Variants in NKAIN3 observed in about 807,000 individuals in gnomAD.
NKAIN3 encodes the protein sodium/potassium transporting ATPase interacting 3.
Under a neutral mutation model 30.2 loss-of-function variants are expected in NKAIN3, and 25 were observed. That is an observed-to-expected ratio of 0.83 (90% CI 0.60 to 1.16). The LOEUF is 1.16. Ranked by LOEUF, NKAIN3 falls within the 50% of genes most tolerant of loss-of-function variation. NKAIN3 has a pLI of 0.00. For missense variants in NKAIN3, 225 were observed against 254.1 expected, an observed-to-expected ratio of 0.89 and a Z score of 0.78; for synonymous variants, 91 against 89.6, an observed-to-expected ratio of 1.02 and a Z score of -0.09.
chr8:62,863,766 G>A, intron 4 of NKAIN3: 2 of 1,610,412 alleles, frequency 1.2e-6, no homozygotes, highest in African/African-American at 1.3e-5. Context: ...TCCCAGCACA[G>A]CCAGACAGTA....
At chr8:62,684,697 T>A (rs1024968430) in intron 3 of NKAIN3, among the ~76,000 whole-genome samples, 2 of 152,208 alleles carry the variant, frequency 1.3e-5, no homozygotes, top group African/African-American at 4.8e-5. Flanking sequence ...GTTCAGAATT[T>A]GACTGTATTT....
At chr8:62,364,824 A>G (rs28576061) in intron 1 of NKAIN3, among the ~76,000 whole-genome samples, 1 of 136,480 alleles carries the variant, frequency 7.3e-6, no homozygotes, top group Non-Finnish European at 1.6e-5. Flanking sequence ...GCGAGACTCC[A>G]CTACAAAAAA....
At chr8:62,834,169 C>G (rs1249691476) in intron 4 of NKAIN3, among the ~76,000 whole-genome samples, 1 of 152,008 alleles carries the variant, frequency 6.6e-6, no homozygotes, top group Admixed American at 6.6e-5. Flanking sequence ...TTAGAAAGAA[C>G]ATACCTCAAA....
chr8:62,335,432 C>CAAAAAAAAAAA, intron 1 of NKAIN3, among the ~76,000 whole-genome samples: 1 of 82,186 alleles, frequency 1.2e-5, no homozygotes, highest in South Asian at 3.9e-4. Context: ...GACTCTGTCT[C>CAAAAAAAAAAA]AAAAAAAAAA....
intron 1 of NKAIN3, among the ~76,000 whole-genome samples, chr8:62,513,318 G>A (rs116499544): frequency 1.5e-4 from 23 of 150,992 alleles, no homozygotes; most frequent in East Asian, 1.2e-3. Context: ...AACTATCTCC[G>A]TCAGCAAAAT....
chr8:62,939,612 A>T (rs1463679455), intron 5 of NKAIN3, among the ~76,000 whole-genome samples: 1 of 152,174 alleles, frequency 6.6e-6, no homozygotes, highest in African/African-American at 2.4e-5. Context: ...GCCTCCTTAA[A>T]CAAAACGATT....
At chr8:62,476,389 G>A (rs4738979) in intron 1 of NKAIN3, among the ~76,000 whole-genome samples, 15,494 of 151,826 alleles carry the variant, frequency 0.1, 1,093 homozygotes, top group East Asian at 0.32. Context: ...TTGTAGACCC[G>A]TGCACATGTT....
intron 1 of NKAIN3, among the ~76,000 whole-genome samples, chr8:62,289,701 G>C (rs1813518085): frequency 6.6e-6 from 1 of 152,062 alleles, no homozygotes; most frequent in Admixed American, 6.6e-5. Context: ...TGTTCTTTTG[G>C]CTTAGGATTG....
chr8:62,470,874 C>T (rs907460149), intron 1 of NKAIN3, among the ~76,000 whole-genome samples: 12 of 151,800 alleles, frequency 7.9e-5, no homozygotes, highest in African/African-American at 2.7e-4. Context: ...ATGTGTAGAT[C>T]TTATTGATCC....
chr8:62,928,225 C>G (rs995042153), intron 5 of NKAIN3, among the ~76,000 whole-genome samples: 14 of 152,116 alleles, frequency 9.2e-5, no homozygotes, highest in Non-Finnish European at 1.5e-4. Context: ...GTATAAGACA[C>G]AAAGTAAGTT....
chr8:62,314,467 G>A (rs1322701063), intron 1 of NKAIN3, among the ~76,000 whole-genome samples: 3 of 152,150 alleles, frequency 2.0e-5, no homozygotes, highest in Non-Finnish European at 2.9e-5. Flanking sequence ...GATGAAACCG[G>A]ACTTACTTCC....
intron 1 of NKAIN3, among the ~76,000 whole-genome samples, chr8:62,389,131 G>A (rs945675456): frequency 1.3e-5 from 2 of 152,146 alleles, no homozygotes; most frequent in African/African-American, 4.8e-5. Context: ...AAGGCAGCCT[G>A]AATAGAACTT....
chr8:62,424,582 C>T (rs971651039), intron 1 of NKAIN3, among the ~76,000 whole-genome samples: 3 of 151,558 alleles, frequency 2.0e-5, no homozygotes, highest in African/African-American at 7.3e-5. Context: ...GAAATGCAAA[C>T]CAAAATTAAA....
At chr8:62,336,744 A>T (rs2129590512) in intron 1 of NKAIN3, among the ~76,000 whole-genome samples, 1 of 152,170 alleles carries the variant, frequency 6.6e-6, no homozygotes, top group South Asian at 2.1e-4. Flanking sequence ...ACTAAAAAAC[A>T]GCCTGAGCTT....
intron 3 of NKAIN3, among the ~76,000 whole-genome samples, chr8:62,620,726 A>G (rs1811597149): frequency 6.6e-6 from 1 of 152,126 alleles, no homozygotes; most frequent in African/African-American, 2.4e-5. Flanking sequence ...GCCTCCTACA[A>G]CTTTCTTTAT....
At chr8:62,787,209 TC>T (rs1433452766) in intron 4 of NKAIN3, among the ~76,000 whole-genome samples, 3 of 152,192 alleles carry the variant, frequency 2.0e-5, no homozygotes, top group African/African-American at 7.2e-5. Context: ...ATATTTCATT[TC>T]CAGTTTTATA....
chr8:62,901,848 G>A (rs13257884), intron 4 of NKAIN3, among the ~76,000 whole-genome samples: 19,553 of 152,236 alleles, frequency 0.13, 1,496 homozygotes, highest in African/African-American at 0.2. Context: ...TCGAGGGGCT[G>A]AACAGTCTAC....
chr8:62,273,894 A>C (rs1391222638), intron 1 of NKAIN3, among the ~76,000 whole-genome samples: 1 of 152,164 alleles, frequency 6.6e-6, no homozygotes, highest in Admixed American at 6.6e-5. Flanking sequence ...GTTAACTGTG[A>C]TATGTAAATC....
intron 4 of NKAIN3, among the ~76,000 whole-genome samples, chr8:62,813,814 C>T (rs1039663325): frequency 2.0e-4 from 30 of 151,962 alleles, no homozygotes; most frequent in African/African-American, 7.0e-4. Flanking sequence ...GTAGGACTCC[C>T]TTAAGCATTT....
Sources: gnomAD v4.1 joint callset for allele counts (sites outside exome capture counted in the v4.1 genomes callset) on GRCh38, gnomAD v4.1.1 for gene constraint, MANE v1.5 for transcripts, NCBI Gene and HGNC (gene_info 2026-07-23, HGNC 2026-07-21) for gene names.